ST6GALNAC3: variants seen among roughly 807,000 people sequenced by gnomAD.
The protein encoded by ST6GALNAC3 is alpha-N-acetylgalactosaminide alpha-2,6-sialyltransferase 3.
In ST6GALNAC3, 25 loss-of-function variants were observed where a neutral mutation model predicts 32.7. The ratio of observed to expected loss-of-function variants is 0.76; its 90% CI spans 0.56 to 1.07. ST6GALNAC3 has a LOEUF of 1.07. Ranked by LOEUF, ST6GALNAC3 falls within the 50% of genes least tolerant of loss-of-function variation. The probability of loss-of-function intolerance (pLI) is 0.00; values close to 1 mark genes in which losing one functional copy is unlikely to be tolerated. For synonymous variants in ST6GALNAC3, 129 were observed against 133.1 expected (o/e 0.97, Z 0.21); for missense variants, 355 against 382.4 (o/e 0.93, Z 0.60).
chr1:76,166,780 C>T (rs540917153), intron 1 of ST6GALNAC3, among the ~76,000 whole-genome samples: 110 of 152,170 alleles, frequency 7.2e-4, no homozygotes, highest in Admixed American at 2.8e-3. Context: ...AGTAGGATTG[C>T]GTTGCCTATT....
intron 1 of ST6GALNAC3, among the ~76,000 whole-genome samples, chr1:76,179,110 C>A (rs1653021798): frequency 6.6e-6 from 1 of 152,192 alleles, no homozygotes. Flanking sequence ...GGGCTCCAAC[C>A]AGCAGCAGCT....
intron 2 of ST6GALNAC3, among the ~76,000 whole-genome samples, chr1:76,411,476 G>A (rs1654234153): frequency 6.6e-6 from 1 of 152,044 alleles, no homozygotes; most frequent in South Asian, 2.1e-4. Flanking sequence ...CTGCTAGCCT[G>A]GGACTTACCT....
chr1:76,371,628 C>T (rs151277392), intron 2 of ST6GALNAC3, among the ~76,000 whole-genome samples: 7 of 152,268 alleles, frequency 4.6e-5, no homozygotes, highest in East Asian at 3.9e-4. Flanking sequence ...TTGGCAGTAG[C>T]GAGTCCGAGA....
rs796705735 is a variant in ST6GALNAC3, at chr1:76,294,785, C to T, written c.19-19020C>T. On this transcript the variant is annotated intron_variant, in intron 1 of 4. Coordinates refer to ENST00000328299, the MANE Select transcript of ST6GALNAC3 (RefSeq NM_152996.4). ...TGTGGTAGCATGTTGTTAGCTGCTG[C>T]GTTTAGGCATATAATTTATGTGAAG... Among the ~76,000 whole-genome samples the T allele has an allele frequency of 3.3e-5, 5 of 152,150 alleles. 1 individual carries two copies. The highest frequency in any genetic ancestry group is 1.2e-4 in the African/African-American group (5 of 41,508).
intron 1 of ST6GALNAC3, among the ~76,000 whole-genome samples, chr1:76,273,022 G>A (rs1658939559): frequency 6.6e-6 from 1 of 152,182 alleles, no homozygotes; most frequent in South Asian, 2.1e-4. Context: ...TCATAGTCGT[G>A]CATTTATAAA....
At chr1:76,180,126 G>A (rs1000621419) in intron 1 of ST6GALNAC3, among the ~76,000 whole-genome samples, 3 of 152,166 alleles carry the variant, frequency 2.0e-5, no homozygotes, top group Non-Finnish European at 4.4e-5. Flanking sequence ...GTTTACTGCA[G>A]ATCCCCAGTG....
intron 3 of ST6GALNAC3, among the ~76,000 whole-genome samples, chr1:76,613,187 GATTA>G (rs1275031095): frequency 6.6e-6 from 1 of 152,172 alleles, no homozygotes; most frequent in Non-Finnish European, 1.5e-5. Flanking sequence ...AAGACACTGA[GATTA>G]ATTTAGTTAA....
intron 1 of ST6GALNAC3, among the ~76,000 whole-genome samples, chr1:76,090,734 G>A (rs1647033087): frequency 6.6e-6 from 1 of 152,148 alleles, no homozygotes; most frequent in African/African-American, 2.4e-5. Flanking sequence ...CATGACATTT[G>A]TGGAAAATGA....
At chr1:76,409,838 ATTC>A (rs1453077802) in intron 2 of ST6GALNAC3, among the ~76,000 whole-genome samples, 1 of 152,150 alleles carries the variant, frequency 6.6e-6, no homozygotes, top group African/African-American at 2.4e-5. Context: ...CATTTTGTCC[ATTC>A]TTTTTAGTTT....
intron 2 of ST6GALNAC3, among the ~76,000 whole-genome samples, chr1:76,350,458 A>G (rs1348761381): frequency 6.6e-6 from 1 of 152,242 alleles, no homozygotes; most frequent in East Asian, 1.9e-4. Flanking sequence ...ATAACTACTG[A>G]CAGTTAATAA....
chr1:76,170,098 T>G (rs1030956922), intron 1 of ST6GALNAC3, among the ~76,000 whole-genome samples: 1 of 152,104 alleles, frequency 6.6e-6, no homozygotes, highest in Admixed American at 6.6e-5. Flanking sequence ...TCTGGAAGAT[T>G]TTAGAGGGCC....
At chr1:76,358,917 C>T (rs1649709423) in intron 2 of ST6GALNAC3, among the ~76,000 whole-genome samples, 1 of 152,158 alleles carries the variant, frequency 6.6e-6, no homozygotes, top group African/African-American at 2.4e-5. Flanking sequence ...CCTCTTAGAT[C>T]AATCATCATT....
chr1:76,632,817 G>A lies in ST6GALNAC3; in HGVS notation c.*4011G>A, dbSNP rs541783843. The A allele has an allele frequency of 6.7e-6, 1 of 150,168 alleles. No individual in the cohort carries two copies. The highest frequency in any genetic ancestry group is 2.4e-5 in the African/African-American group (1 of 41,430). The allele number at this position is 150,168 out of a possible 1,614,324, so 9.3% of individuals were successfully genotyped here. A position where few individuals can be genotyped will look rare whatever the true frequency, so the allele number is the denominator to read the frequency against. On this transcript the variant is annotated 3_prime_UTR_variant, in exon 5 of 5. Coordinates refer to ENST00000328299, the MANE Select transcript of ST6GALNAC3 (RefSeq NM_152996.4). ...TGATTTAAAAAAAAACAACAACAAT[G>A]TGCCCATCTAGCCTTTAATGTGACA... is the stretch of plus-strand genomic sequence containing the variant.
chr1:76,250,609 G>C (rs1657552928), intron 1 of ST6GALNAC3, among the ~76,000 whole-genome samples: 1 of 152,142 alleles, frequency 6.6e-6, no homozygotes, highest in Non-Finnish European at 1.5e-5. Flanking sequence ...GAGTTTCCAA[G>C]TACACTTCCA....
intron 1 of ST6GALNAC3, among the ~76,000 whole-genome samples, chr1:76,240,354 C>T (rs892296323): frequency 6.6e-6 from 1 of 152,214 alleles, no homozygotes; most frequent in East Asian, 1.9e-4. Context: ...AATTCTGTCT[C>T]ACTTCCTGGC....
chr1:76,619,499 T>G (rs1648502433), intron 3 of ST6GALNAC3, among the ~76,000 whole-genome samples: 1 of 152,130 alleles, frequency 6.6e-6, no homozygotes, highest in Admixed American at 6.5e-5. Flanking sequence ...AGTCATATGT[T>G]GTTTACATTT....
chr1:76,229,402 C>T (rs966299890), intron 1 of ST6GALNAC3, among the ~76,000 whole-genome samples: 5 of 152,188 alleles, frequency 3.3e-5, no homozygotes, highest in Admixed American at 2.6e-4. Flanking sequence ...AGACCACCTA[C>T]AGCTTCCCTG....
In ST6GALNAC3 at chr1:76,256,540, A is replaced by G. The variant is rs889292208; in HGVS notation, c.19-57265A>G. On this transcript the variant is annotated intron_variant, in intron 1 of 4. Coordinates refer to ENST00000328299, the MANE Select transcript of ST6GALNAC3 (RefSeq NM_152996.4). ...CATGAGTTTAAATTGTATCAACTGA[A>G]TATAAAGTATAAGCCAATTTTAAAA... Among the ~76,000 whole-genome samples, 22 of 152,070 alleles carry G rather than the reference A, an allele frequency of 1.4e-4. 1 individual carries two copies. The highest frequency in any genetic ancestry group is 1.4e-3 in the Admixed American group (22 of 15,248).
chr1:76,549,523 G>A (rs922023263), intron 3 of ST6GALNAC3, among the ~76,000 whole-genome samples: 2 of 151,650 alleles, frequency 1.3e-5, no homozygotes, highest in Non-Finnish European at 2.9e-5. Flanking sequence ...CTACATTTTT[G>A]CATATAGCTA....
Sources: gnomAD v4.1 joint callset for allele counts (sites outside exome capture counted in the v4.1 genomes callset) on GRCh38, gnomAD v4.1.1 for gene constraint, MANE v1.5 for transcripts, NCBI Gene and HGNC (gene_info 2026-07-23, HGNC 2026-07-21) for gene names.